The following UBE2QL1 variants were observed in gnomAD, a reference collection of about 807,000 sequenced individuals.
UBE2QL1 encodes ubiquitin conjugating enzyme E2 QL1, also known as ubiquitin-conjugating enzyme E2Q-like protein 1.
In UBE2QL1, 5 loss-of-function variants were observed where a neutral mutation model predicts 12.6. That is an observed-to-expected ratio of 0.40 (90% CI 0.21 to 0.83). The LOEUF (loss-of-function observed/expected upper bound fraction) is 0.83. UBE2QL1 is among the 40% of genes least tolerant of loss of function. The pLI is 0.37. For synonymous variants in UBE2QL1, 96 were observed against 94.5 expected (o/e 1.02, Z -0.10); for missense variants, 99 against 222.6 (o/e 0.44, Z 3.53).
intron 1 of UBE2QL1, among the ~76,000 whole-genome samples, chr5:6,459,665 C>T (rs1739609715): frequency 6.6e-6 from 1 of 152,180 alleles, no homozygotes; most frequent in South Asian, 2.1e-4. Flanking sequence ...TTAAAAAGCA[C>T]TTTATTAACA....
Position 6,494,455 on chromosome 5 carries a change from G to T in UBE2QL1, c.*3106G>T, listed in dbSNP as rs569120271. The T allele has an allele frequency of 6.6e-6, 1 of 152,138 alleles. No homozygotes were observed. The highest frequency in any genetic ancestry group is 1.5e-5 in the Non-Finnish European group (1 of 68,024). The allele number at this position is 152,138 out of a possible 1,614,324, so 9.4% of individuals were successfully genotyped here. A position where few individuals can be genotyped will look rare whatever the true frequency, so the allele number is the denominator to read the frequency against. Reference sequence around the variant, plus strand: ...TTAAGAGAAAAATATGTAGATGAGTGAAAAAGACCTAGGATTGAAAGACAA... The same window carrying T: ...TTAAGAGAAAAATATGTAGATGAGTTAAAAAGACCTAGGATTGAAAGACAA... On this transcript the variant is annotated 3_prime_UTR_variant, in exon 2 of 2. Transcript: ENST00000399816.
chr5:6,475,439 T>G (rs1734210422), intron 1 of UBE2QL1, among the ~76,000 whole-genome samples: 1 of 152,204 alleles, frequency 6.6e-6, no homozygotes, highest in Non-Finnish European at 1.5e-5. Context: ...AGCTATCTTA[T>G]GCCGTATCTT....
chr5:6,473,458 G>A (rs979656545), intron 1 of UBE2QL1, among the ~76,000 whole-genome samples: 42 of 152,184 alleles, frequency 2.8e-4, no homozygotes, highest in Admixed American at 2.2e-3. Context: ...GTCTCCACCC[G>A]GAACACACAC....
rs549326621 is a variant in UBE2QL1 at position 6,462,096 on chromosome 5, C to T, written c.354+12849C>T. Reference sequence around the variant, plus strand: ...GTTTAACCTCTACAGGCCTTTCAGACCACCCCATGCTGTCTCTGTGGCCAG... The same window carrying T: ...GTTTAACCTCTACAGGCCTTTCAGATCACCCCATGCTGTCTCTGTGGCCAG... On this transcript the variant is annotated intron_variant, in intron 1 of 1. Transcript: ENST00000399816. 6.6e-5 allele frequency among the ~76,000 whole-genome samples: 10 copies of T among 152,294 alleles called. No homozygotes were observed. The South Asian group carries it at 2.1e-3, about 32-fold the overall frequency.
intron 1 of UBE2QL1, among the ~76,000 whole-genome samples, chr5:6,459,250 A>G (rs1298554064): frequency 6.6e-6 from 1 of 152,216 alleles, no homozygotes; most frequent in African/African-American, 2.4e-5. Context: ...AAAATTTCAC[A>G]ACACTTAAAG....
In UBE2QL1 at chr5:6,449,104, G is replaced by T. The variant is rs754063658; in HGVS notation, c.211G>T (p.Val71Leu). The change falls in exon 1 of 2, where the codon GTG (valine) becomes TTG (leucine). Residue 71 changes from valine to leucine, a missense_variant. Coordinates refer to ENST00000399816, the MANE Select transcript of UBE2QL1 (RefSeq NM_001145161.3). ...NFPFSPPFMR[V>L]LSPRLENGYV... ...CCCCTTCTCGCCGCCCTTCATGCGGGTGCTCAGCCCGCGCCTGGAGAACGG... is the reference window on the plus strand; with the variant it reads ...CCCCTTCTCGCCGCCCTTCATGCGGTTGCTCAGCCCGCGCCTGGAGAACGG... 1 of 1,547,710 alleles carries T rather than the reference G, an allele frequency of 6.5e-7. No homozygotes were observed. The highest frequency in any genetic ancestry group is 8.7e-7 in the Non-Finnish European group (1 of 1,145,310).
intron 1 of UBE2QL1, among the ~76,000 whole-genome samples, chr5:6,483,704 C>T (rs146874998): frequency 1.7e-4 from 26 of 152,300 alleles, no homozygotes; most frequent in African/African-American, 6.0e-4. Flanking sequence ...TCTGCAGAAA[C>T]TACATATCTC....
intron 1 of UBE2QL1, among the ~76,000 whole-genome samples, chr5:6,464,921 T>G (rs932447255): frequency 6.6e-6 from 1 of 152,182 alleles, no homozygotes; most frequent in Admixed American, 6.5e-5. Context: ...CACCCTCATG[T>G]ATGACTACAG....
intron 1 of UBE2QL1, among the ~76,000 whole-genome samples, chr5:6,463,600 T>TATG (rs1160533894): frequency 8.5e-6 from 1 of 117,104 alleles, no homozygotes; most frequent in East Asian, 3.4e-4. Flanking sequence ...TTTGTGCTGT[T>TATG]ATTATTATTA....
chr5:6,486,019 C>G (rs966567949), intron 1 of UBE2QL1, among the ~76,000 whole-genome samples: 2 of 152,100 alleles, frequency 1.3e-5, no homozygotes, highest in Non-Finnish European at 2.9e-5. Flanking sequence ...ACTATCTTTA[C>G]CAAAGGAGAA....
At chr5:6,482,598 C>T (rs1311308357) in intron 1 of UBE2QL1, among the ~76,000 whole-genome samples, 1 of 150,792 alleles carries the variant, frequency 6.6e-6, no homozygotes, top group South Asian at 2.1e-4. Context: ...CTCTAGAGCA[C>T]GGCTTCTCCA....
chr5:6,495,238 G>T lies in UBE2QL1; in HGVS notation c.*3889G>T, dbSNP rs530932946. Among the ~76,000 whole-genome samples, 2 of 152,298 alleles carry T rather than the reference G, an allele frequency of 1.3e-5. No homozygotes were observed. The highest frequency in any genetic ancestry group is 1.3e-4 in the Admixed American group (2 of 15,304). ...AGCTGATTTCAGGAAGCAGGACACGGTCCCACCTGACAGCCTAGCCTGGCG... is the reference window on the plus strand; with the variant it reads ...AGCTGATTTCAGGAAGCAGGACACGTTCCCACCTGACAGCCTAGCCTGGCG... On this transcript the variant is annotated 3_prime_UTR_variant, in exon 2 of 2. Transcript: ENST00000399816.
chr5:6,489,511 G>A (rs1734525605), intron 1 of UBE2QL1, among the ~76,000 whole-genome samples: 1 of 152,202 alleles, frequency 6.6e-6, no homozygotes, highest in Non-Finnish European at 1.5e-5. Flanking sequence ...AAACCAGAGG[G>A]ATATCCAGAG....
At chr5:6,470,667 G>C (rs1217377198) in intron 1 of UBE2QL1, among the ~76,000 whole-genome samples, 1 of 152,222 alleles carries the variant, frequency 6.6e-6, no homozygotes, top group East Asian at 1.9e-4. Context: ...AAAGGCTGCT[G>C]AGCCCCCAAG....
At chr5:6,473,055 C>T (rs555429619) in intron 1 of UBE2QL1, among the ~76,000 whole-genome samples, 1 of 152,304 alleles carries the variant, frequency 6.6e-6, no homozygotes, top group African/African-American at 2.4e-5. Context: ...CCATGACAGT[C>T]CCATGTAAAT....
rs572905326 is a variant in UBE2QL1, at chr5:6,479,499, G to C, written c.355-11719G>C. On this transcript the variant is annotated intron_variant, in intron 1 of 1. Transcript: ENST00000399816. This position sits in a 1 kb window ranked among gnomAD's most constrained non-coding sequence, Gnocchi z 4.2. ...GAAATGTGTGCCTTAATGGAGCCAA[G>C]TCCAAGGAGTAAAATGTTGAAGCAA... Among the ~76,000 whole-genome samples, 7 of 152,322 alleles carry C rather than the reference G, an allele frequency of 4.6e-5. No homozygotes were observed. Among genetic ancestry groups the C allele is most frequent in the African/African-American group, 1.7e-4 (7 of 41,562 alleles).
intron 1 of UBE2QL1, among the ~76,000 whole-genome samples, chr5:6,472,734 A>G (rs571427503): frequency 5.3e-5 from 8 of 151,938 alleles, no homozygotes; most frequent in Non-Finnish European, 1.2e-4. Flanking sequence ...AATTTTCTTT[A>G]TCTTCTTCTC....
At chr5:6,475,991 C>T (rs1051399193) in intron 1 of UBE2QL1, among the ~76,000 whole-genome samples, 3 of 152,220 alleles carry the variant, frequency 2.0e-5, no homozygotes, top group African/African-American at 7.2e-5. Context: ...TTATGAAATA[C>T]ACTTATTTTT....
intron 1 of UBE2QL1, among the ~76,000 whole-genome samples, chr5:6,462,231 A>T (rs943048229): frequency 1.3e-5 from 2 of 152,200 alleles, no homozygotes; most frequent in South Asian, 4.1e-4. Context: ...TGAAAAAAGC[A>T]GCCAATGGGC....
Sources: gnomAD v4.1 joint callset for allele counts (sites outside exome capture counted in the v4.1 genomes callset) on GRCh38, gnomAD v4.1.1 for gene constraint, Gnocchi (gnomAD v3.1) non-coding constraint, MANE v1.5 for transcripts, NCBI Gene and HGNC (gene_info 2026-07-23, HGNC 2026-07-21) for gene names.